UTP6: variants seen among roughly 807,000 people sequenced by gnomAD.
UTP6 encodes UTP6 small subunit processome component.
A neutral mutation model predicts 96.5 loss-of-function variants in UTP6; 60 were observed. The observed-to-expected ratio is 0.62, with a 90% CI of 0.51 to 0.77. UTP6 has a LOEUF of 0.77. Among genes scored for constraint, UTP6 ranks in the 30% least tolerant of loss-of-function variants. The pLI is 0.00. For missense variants in UTP6, 637 were observed against 706.5 expected (o/e 0.90, Z 1.12); for synonymous variants, 215 against 240.1 (o/e 0.90, Z 0.96).
At chr17:31,872,109 C>T (rs1234939909) in intron 16 of UTP6, among the ~76,000 whole-genome samples, 4 of 150,168 alleles carry the variant, frequency 2.7e-5, no homozygotes, top group East Asian at 2.0e-4. Context: ...GCAGGAGAAT[C>T]GCTTGAACCC....
intron 18 of UTP6, 143 bp downstream of exon 18, chr17:31,865,223 G>A: frequency 1.5e-6 from 1 of 681,176 alleles, no homozygotes; most frequent in Admixed American, 2.7e-5. Context: ...ATATTGGCCA[G>A]GCTGGTCTCG....
intron 17 of UTP6, 121 bp from the exon 18 acceptor site, chr17:31,865,559 C>G (rs1909765252): frequency 1.1e-6 from 1 of 901,190 alleles, no homozygotes; most frequent in Admixed American, 2.4e-5. Context: ...TTAACATGAA[C>G]ACAACTTGGC....
intron 7 of UTP6, 59 bp downstream of exon 7, chr17:31,889,226 T>G (rs774619569): frequency 5.1e-5 from 66 of 1,304,422 alleles, no homozygotes; most frequent in Non-Finnish European, 6.9e-5. Context: ...AAAAAAAATA[T>G]GTCTCCAGAG....
At chr17:31,867,498 A>T (rs1909893964) in intron 17 of UTP6, among the ~76,000 whole-genome samples, 1 of 146,908 alleles carries the variant, frequency 6.8e-6, no homozygotes, top group South Asian at 2.2e-4. Context: ...ACAGAGTAAG[A>T]CTCTATCTCA....
intron 17 of UTP6, chr17:31,866,815 G>A (rs1909848499): frequency 7.4e-6 from 1 of 135,250 alleles, no homozygotes; most frequent in Non-Finnish European, 1.5e-5. Flanking sequence ...AACCTGGAAG[G>A]CAGAGGTTGC....
intron 2 of UTP6, among the ~76,000 whole-genome samples, chr17:31,899,205 G>A (rs1904826431): frequency 6.6e-6 from 1 of 152,158 alleles, no homozygotes; most frequent in African/African-American, 2.4e-5. Context: ...GCTGAGGTGG[G>A]AGGATGGCTT....
At chr17:31,877,874 C>G (rs1272854881) in intron 13 of UTP6, among the ~76,000 whole-genome samples, 1 of 148,064 alleles carries the variant, frequency 6.8e-6, no homozygotes, top group Non-Finnish European at 1.5e-5. Context: ...GGCTAAGGCA[C>G]AAGAATCACT....
At position 31,880,674 on chromosome 17, in the gene UTP6, T is replaced by G; in HGVS notation, c.866A>C (p.Glu289Ala). The G allele has an allele frequency of 6.2e-7, 1 of 1,614,178 alleles. No individual in the cohort carries two copies. The highest frequency in any genetic ancestry group is 8.5e-7 in the Non-Finnish European group (1 of 1,180,028). Reference sequence around the variant, plus strand: ...GGCTTGTTTCGTTGTAGGCTGCTCTTCTGTCTGTGACTCAATCTCTAATTC... The same window carrying G: ...GGCTTGTTTCGTTGTAGGCTGCTCTGCTGTCTGTGACTCAATCTCTAATTC... ...RRELEIESQT[E>A]EQPTTKQAKA... The change falls in exon 11 of 19, where the codon GAA (glutamate) becomes GCA (alanine). Residue 289 changes from glutamate to alanine, a missense_variant. Transcript: ENST00000261708.
intron 2 of UTP6, among the ~76,000 whole-genome samples, chr17:31,898,383 T>G (rs1448156207): frequency 6.6e-6 from 1 of 151,940 alleles, no homozygotes; most frequent in Non-Finnish European, 1.5e-5. Flanking sequence ...AAAATTAGCC[T>G]GGCGTGGTTG....
At chr17:31,897,418 T>C (rs1904716032) in intron 2 of UTP6, among the ~76,000 whole-genome samples, 1 of 151,444 alleles carries the variant, frequency 6.6e-6, no homozygotes, top group Non-Finnish European at 1.5e-5. Context: ...TTTGTCTTTT[T>C]AAATCTAAGC....
At chr17:31,893,863 T>A (rs2142322155) in intron 4 of UTP6, among the ~76,000 whole-genome samples, 1 of 151,518 alleles carries the variant, frequency 6.6e-6, no homozygotes, top group East Asian at 2.0e-4. Context: ...CAACTCCCAC[T>A]CACAATGCTC....
At chr17:31,870,076 T>C (rs554729297) in intron 16 of UTP6, among the ~76,000 whole-genome samples, 2 of 152,336 alleles carry the variant, frequency 1.3e-5, no homozygotes, top group Admixed American at 1.3e-4. Context: ...CAATCAACTG[T>C]TGATAAGCAC....
intron 17 of UTP6, among the ~76,000 whole-genome samples, 185 bp from the exon 18 acceptor site, chr17:31,865,623 T>G (rs1444303855): frequency 6.6e-6 from 1 of 152,182 alleles, no homozygotes; most frequent in Admixed American, 6.6e-5. Context: ...GAAGTACATA[T>G]GTGAAACATA....
chr17:31,880,392 G>T (rs1167291053), intron 11 of UTP6, 181 bp downstream of exon 11: 1 of 682,426 alleles, frequency 1.5e-6, no homozygotes, highest in Middle Eastern at 4.5e-4. Flanking sequence ...CTGAACTCCA[G>T]CCAGGGTGAC....
Position 31,875,424 on chromosome 17 carries a change from T to G in UTP6, c.1126-11A>C. 1.2e-6 allele frequency: 2 copies of G among 1,606,586 alleles called. No homozygotes were observed. The highest frequency in any genetic ancestry group is 8.5e-7 in the Non-Finnish European group (1 of 1,175,104). On this transcript the variant is annotated splice_polypyrimidine_tract_variant and intron_variant, in intron 13 of 18. Transcript: ENST00000261708. ...CAGCAACGAAACACTCTAGACAAGA[T>G]GAAGGATGACTGGAAAATTAATTAC...
At position 31,863,637 on chromosome 17, in the gene UTP6, C is replaced by T. The variant is rs139696801; in HGVS notation, c.1637-121G>A. ...ACTTCTCATTGTTACTTCCCTAGGA[C>T]GCTTTGTTTAACAATACCTCTCTTA... On this transcript the variant is annotated intron_variant, in intron 18 of 18. Coordinates refer to ENST00000261708, the MANE Select transcript of UTP6 (RefSeq NM_018428.3). The T allele has an allele frequency of 1.0e-3, 928 of 908,478 alleles. 4 individuals are homozygous for T. In the African/African-American group the frequency reaches 0.014, roughly 14 times the overall value. The allele number at this position is 908,478 out of a possible 1,614,324, so 56.3% of individuals were successfully genotyped here.
intron 17 of UTP6, among the ~76,000 whole-genome samples, chr17:31,867,281 G>T (rs1006765135): frequency 2.6e-5 from 4 of 152,170 alleles, no homozygotes; most frequent in Admixed American, 2.6e-4. Context: ...GCTGAGGGGG[G>T]CGGATCACCT....
chr17:31,882,566 C>A (rs907705923), intron 10 of UTP6, among the ~76,000 whole-genome samples: 1 of 152,182 alleles, frequency 6.6e-6, no homozygotes, highest in African/African-American at 2.4e-5. Context: ...AGTGATCCGC[C>A]CACCTCGGCC....
At chr17:31,872,802 A>C (rs1208272261) in intron 16 of UTP6, among the ~76,000 whole-genome samples, 1 of 152,112 alleles carries the variant, frequency 6.6e-6, no homozygotes, top group Non-Finnish European at 1.5e-5. Context: ...GCAGTTCGAG[A>C]CCAGCCTGGC....
Sources: gnomAD v4.1 joint callset for allele counts (sites outside exome capture counted in the v4.1 genomes callset) on GRCh38, gnomAD v4.1.1 for gene constraint, MANE v1.5 for transcripts, NCBI Gene and HGNC (gene_info 2026-07-23, HGNC 2026-07-21) for gene names.